CRY2: variants seen among roughly 807,000 people sequenced by gnomAD.
The protein encoded by CRY2 is cryptochrome circadian regulator 2, also known as cryptochrome-2.
A neutral mutation model predicts 69.5 loss-of-function variants in CRY2; 31 were observed. That is an observed-to-expected ratio of 0.45 (90% confidence interval 0.34 to 0.60). The LOEUF (loss-of-function observed/expected upper bound fraction) is 0.60. Among genes scored for constraint, CRY2 ranks in the 20% least tolerant of loss-of-function variants. The pLI, the probability that CRY2 is intolerant of heterozygous loss-of-function variation, is 0.02. For synonymous variants in CRY2, 303 were observed against 312.2 expected (o/e 0.97, Z 0.31); for missense variants, 606 against 797.8 (o/e 0.76, Z 2.90).
chr11:45,866,915 A>C (rs2086335447), intron 5 of CRY2, among the ~76,000 whole-genome samples: 1 of 152,162 alleles, frequency 6.6e-6, no homozygotes, highest in East Asian at 1.9e-4. Context: ...AGATCACGCC[A>C]CTGCACTCCA....
intron 2 of CRY2, chr11:45,858,530 C>T (rs1477717030): frequency 2.6e-5 from 15 of 583,764 alleles, no homozygotes; most frequent in South Asian, 1.2e-4. Flanking sequence ...CTGTTGGCTT[C>T]GCCACACTGC....
At chr11:45,855,906 T>C in intron 1 of CRY2, 76 bp from the exon 2 acceptor site, 1 of 1,303,620 alleles carries the variant, frequency 7.7e-7, no homozygotes. Context: ...AGCGAACCAG[T>C]TTCTCCCTGC....
At chr11:45,856,330 AC>A (rs1306604630) in intron 2 of CRY2, 2 of 472,424 alleles carry the variant, frequency 4.2e-6, no homozygotes, top group African/African-American at 3.9e-5. Context: ...CTCAGTCCAG[AC>A]ATAGGATGTG....
chr11:45,853,275 G>T (rs777076019), intron 1 of CRY2, among the ~76,000 whole-genome samples: 44 of 152,160 alleles, frequency 2.9e-4, no homozygotes, highest in Admixed American at 1.0e-3. Flanking sequence ...CATTGTAAAT[G>T]CTTATTAAAT....
intron 5 of CRY2, chr11:45,867,308 ATC>A (rs2086338890): frequency 3.0e-6 from 1 of 338,810 alleles, no homozygotes; most frequent in Non-Finnish European, 5.4e-6. Context: ...ATTCTTTCAT[ATC>A]TCATTTTAAT....
At chr11:45,873,287 A>T (rs2086400897) in intron 11 of CRY2, among the ~76,000 whole-genome samples, 1 of 152,108 alleles carries the variant, frequency 6.6e-6, no homozygotes, top group Non-Finnish European at 1.5e-5. Context: ...CTCTTACTTC[A>T]GGGCCAGGCC....
intron 5 of CRY2, among the ~76,000 whole-genome samples, chr11:45,864,580 A>G (rs1318366764): frequency 1.3e-5 from 2 of 151,824 alleles, no homozygotes; most frequent in African/African-American, 4.8e-5. Flanking sequence ...CCTGGGTGAC[A>G]GAGAGTGGGG....
At chr11:45,871,862 C>T (rs2086386096) in intron 10 of CRY2, among the ~76,000 whole-genome samples, 7 of 152,164 alleles carry the variant, frequency 4.6e-5, no homozygotes, top group Admixed American at 4.6e-4. Flanking sequence ...CCATTTGGGG[C>T]CCAAAAGCTG....
intron 11 of CRY2, 147 bp downstream of exon 11, chr11:45,872,380 T>C (rs1249905472): frequency 1.4e-6 from 1 of 728,006 alleles, no homozygotes; most frequent in Non-Finnish European, 2.3e-6. Context: ...GCTTTACCAT[T>C]TTACAGTGGC....
intron 1 of CRY2, among the ~76,000 whole-genome samples, chr11:45,852,534 G>A (rs2086205659): frequency 1.3e-5 from 2 of 152,210 alleles, no homozygotes; most frequent in Admixed American, 1.3e-4. Context: ...CTGGCTGCCT[G>A]GAGTCTGGAG....
At position 45,860,910 on chromosome 11, in the gene CRY2, G is replaced by A; in HGVS notation, c.530G>A (p.Ser177Asn). 1 of 1,614,170 alleles carries A rather than the reference G, an allele frequency of 6.2e-7. No homozygotes were observed. Among genetic ancestry groups the A allele is most frequent in the Non-Finnish European group, 8.5e-7 (1 of 1,180,042 alleles). ...TACAAGCGCTTTCAGGCCATCATCA[G>A]CCGCATGGAGCTGCCCAAGAAGCCA... ...LTYKRFQAII[S>N]RMELPKKPVG... The change falls in exon 4 of 12, where the codon AGC (serine) becomes AAC (asparagine). Residue 177 changes from serine (S) to asparagine (N), a missense_variant. Ser to Asn is a conservative substitution (Grantham distance 46, BLOSUM62 1). This residue lies in a region of CRY2 where 382 missense variants were observed against 508.9 expected (regional missense o/e 0.75). Transcript: ENST00000616080.
At chr11:45,857,415 C>G (rs2086249926) in intron 2 of CRY2, among the ~76,000 whole-genome samples, 1 of 152,192 alleles carries the variant, frequency 6.6e-6, no homozygotes, top group African/African-American at 2.4e-5. Context: ...TCCCTTCTCC[C>G]CTCGACATTG....
Position 45,847,542 on chromosome 11 carries a change from G to C in CRY2, c.52G>C (p.Gly18Arg), listed in dbSNP as rs985177139. ...AAAVAPAPAP[G>R]TDSASSVHWF... Reference sequence around the variant, plus strand: ...AGCTGTGGCCCCGGCGCCAGCGCCCGGCACGGACAGCGCCTCTTCGGTGCA... The same window carrying C: ...AGCTGTGGCCCCGGCGCCAGCGCCCCGCACGGACAGCGCCTCTTCGGTGCA... Residue 18 changes from glycine to arginine, a missense_variant, in exon 1 of 12, where the codon GGC (glycine) becomes CGC (arginine). By Grantham distance (125) the Gly-to-Arg change is moderately radical. Coordinates refer to ENST00000616080, the MANE Select transcript of CRY2 (RefSeq NM_021117.5). 5.0e-6 allele frequency: 8 copies of C among 1,588,018 alleles called. No homozygotes were observed. The African/African-American group carries it at 5.4e-5, about 11-fold the overall frequency.
intron 7 of CRY2, 65 bp from the exon 8 acceptor site, chr11:45,869,988 G>A: frequency 6.5e-7 from 1 of 1,539,048 alleles, no homozygotes; most frequent in South Asian, 1.3e-5. Flanking sequence ...GGGGCACTGT[G>A]GTGACTTGGG....
chr11:45,878,920 TAAAAAAAA>T (rs57461093), intron 11 of CRY2, among the ~76,000 whole-genome samples: 4 of 49,358 alleles, frequency 8.1e-5, no homozygotes, highest in Non-Finnish European at 9.8e-5. Flanking sequence ...CTCCATCTAT[TAAAAAAAA>T]AAAAAAAAAA....
At chr11:45,866,733 A>G (rs2086333407) in intron 5 of CRY2, among the ~76,000 whole-genome samples, 1 of 152,142 alleles carries the variant, frequency 6.6e-6, no homozygotes. Context: ...GGCTGAAGAG[A>G]GTCAAGGTTG....
At chr11:45,871,950 G>C in intron 10 of CRY2, 142 bp from the exon 11 acceptor site, 1 of 1,198,920 alleles carries the variant, frequency 8.3e-7, no homozygotes, top group Non-Finnish European at 1.2e-6. Context: ...AAGCAAGGCC[G>C]AGGGGCAGGT....
intron 2 of CRY2, 197 bp downstream of exon 2, chr11:45,856,287 T>C (rs1247659450): frequency 2.9e-5 from 16 of 553,532 alleles, no homozygotes; most frequent in East Asian, 1.8e-4. Flanking sequence ...AAAAAAATTC[T>C]GGGAAACCAG....
intron 1 of CRY2, among the ~76,000 whole-genome samples, chr11:45,855,339 A>T (rs942437442): frequency 6.6e-6 from 1 of 152,208 alleles, no homozygotes; most frequent in Non-Finnish European, 1.5e-5. Context: ...GGCAGCAGAA[A>T]TACGCATGGC....
Sources: allele counts gnomAD v4.1 joint callset (sites outside exome capture counted in the v4.1 genomes callset), GRCh38; gene constraint gnomAD v4.1.1; regional missense constraint gnomAD v4.1.1; transcripts MANE v1.5; gene names NCBI Gene and HGNC (gene_info 2026-07-23, HGNC 2026-07-21).